The following NLGN4X variants were observed in gnomAD, a reference collection of about 807,000 sequenced individuals.
The protein encoded by NLGN4X is neuroligin-4, X-linked.
In NLGN4X, 3 loss-of-function variants were observed where a neutral mutation model predicts 40.3. The ratio of observed to expected loss-of-function variants is 0.07; its 90% confidence interval spans 0.03 to 0.19. NLGN4X has a LOEUF of 0.19. NLGN4X is among the 10% of genes least tolerant of loss of function. The pLI, the probability that NLGN4X is intolerant of heterozygous loss-of-function variation, is 1.00. For synonymous variants in NLGN4X, 270 were observed against 306.8 expected (o/e 0.88, Z 1.25); for missense variants, 382 against 708.3 (o/e 0.54, Z 5.23).
intron 1 of NLGN4X, among the ~76,000 whole-genome samples, chrX:6,172,926 A>G (rs2040639432): frequency 8.9e-6 from 1 of 112,534 alleles, no homozygotes; most frequent in South Asian, 3.7e-4. Flanking sequence ...CTTGGAAGGA[A>G]GAACAAGAAA....
At chrX:5,965,432 T>C (rs1004247176) in intron 3 of NLGN4X, among the ~76,000 whole-genome samples, 9 of 112,208 alleles carry the variant, frequency 8.0e-5, no homozygotes, top group African/African-American at 1.9e-4. Context: ...AGGCACTCTA[T>C]AGAATGTGCA....
intron 3 of NLGN4X, among the ~76,000 whole-genome samples, chrX:5,927,224 A>G (rs1331113644): frequency 8.9e-6 from 1 of 111,932 alleles, no homozygotes; most frequent in Admixed American, 9.5e-5. Flanking sequence ...CTGAAATGGG[A>G]TACAGAAAGA....
At chrX:6,115,150 G>A (rs995555298) in intron 2 of NLGN4X, among the ~76,000 whole-genome samples, 2 of 111,922 alleles carry the variant, frequency 1.8e-5, no homozygotes, top group Non-Finnish European at 3.8e-5. Flanking sequence ...GTAATTCCAG[G>A]AGGATGGATG....
rs4995611 is a variant in NLGN4X, at chrX:5,892,908, G to A, written c.2360C>T (p.Thr787Met). The change falls in exon 6 of 6, where the codon ACG becomes ATG. Residue 787 changes from threonine to methionine, a missense_variant. Physicochemically the swap from Thr to Met is moderately conservative, Grantham distance 81. Transcript: ENST00000381095. The part of the protein sequence containing the change: ...NTITMIPNTL[T>M]GMQPLHTFNT... The stretch of plus-strand genomic sequence containing the variant: ...AAAAGTGTGCAAAGGCTGCATCCCC[G>A]TCAGTGTGTTTGGAATCATGGTGAT... The A allele has an allele frequency of 2.4e-4, 292 of 1,209,295 alleles. No individual in the cohort carries two copies. Among genetic ancestry groups the A allele is most frequent in the Non-Finnish European group, 3.0e-4 (271 of 895,137 alleles).
At chrX:6,081,480 T>C (rs987586834) in intron 2 of NLGN4X, among the ~76,000 whole-genome samples, 1 of 112,129 alleles carries the variant, frequency 8.9e-6, no homozygotes, top group African/African-American at 3.2e-5. Flanking sequence ...ATGCTGAAGG[T>C]TCTGGCCTCA....
At chrX:6,180,314 A>C (rs1433942154) in intron 1 of NLGN4X, among the ~76,000 whole-genome samples, 1 of 111,281 alleles carries the variant, frequency 9.0e-6, no homozygotes, top group African/African-American at 3.3e-5. Flanking sequence ...AGTTCTCATG[A>C]ATGGTTTAGC....
chrX:6,025,569 A>G (rs2036667640), intron 3 of NLGN4X, among the ~76,000 whole-genome samples: 1 of 111,897 alleles, frequency 8.9e-6, no homozygotes, highest in South Asian at 3.7e-4. Flanking sequence ...CTGAGAGCCT[A>G]TGAAACTTCA....
At chrX:6,018,872 T>C (rs370464709) in intron 3 of NLGN4X, among the ~76,000 whole-genome samples, 188 of 112,427 alleles carry the variant, frequency 1.7e-3, no homozygotes, top group Non-Finnish European at 3.1e-3. Context: ...CCCTAGCTCA[T>C]TGAAGCAATG....
Position 6,151,182 on chromosome X carries a change from G to A in NLGN4X, c.285C>T (p.Ser95=), listed in dbSNP as rs2040157001. 1 of 1,211,868 alleles carries A rather than the reference G, an allele frequency of 8.3e-7. No homozygotes were observed. Among genetic ancestry groups the A allele is most frequent in the Non-Finnish European group, 1.1e-6 (1 of 895,496 alleles). Residue 95 remains serine, a synonymous_variant, in exon 2 of 6, where the codon TCC becomes TCT. Coordinates refer to ENST00000381095, the MANE Select transcript of NLGN4X (RefSeq NM_181332.3). ...ERRFQPPEPP[S]SWTGIRNTTQ... is the part of the protein sequence containing the mutation. Reference sequence around the variant, plus strand: ...TAGTATTTCGGATGCCAGTCCAGGAGGACGGGGGTTCTGGGGGCTGAAACC... The same window carrying A: ...TAGTATTTCGGATGCCAGTCCAGGAAGACGGGGGTTCTGGGGGCTGAAACC...
chrX:6,066,439 C>T (rs1555963941), intron 2 of NLGN4X, among the ~76,000 whole-genome samples: 1 of 112,059 alleles, frequency 8.9e-6, no homozygotes, highest in East Asian at 2.8e-4. Context: ...CTGGCTCCAC[C>T]GTTTTAACAT....
intron 2 of NLGN4X, among the ~76,000 whole-genome samples, chrX:6,044,093 C>T (rs148700334): frequency 0.017 from 781 of 45,218 alleles, 20 homozygotes; most frequent in Admixed American, 0.15. Flanking sequence ...ATAATGAGAA[C>T]CTGTTTCTAT....
At chrX:6,180,371 G>T in intron 1 of NLGN4X, among the ~76,000 whole-genome samples, 1 of 110,564 alleles carries the variant, frequency 9.0e-6, no homozygotes, top group Admixed American at 9.7e-5. Context: ...CATGAGATCT[G>T]GTTGTTTAAA....
intron 3 of NLGN4X, among the ~76,000 whole-genome samples, chrX:6,017,006 G>A (rs976680969): frequency 3.6e-5 from 4 of 111,608 alleles, no homozygotes; most frequent in African/African-American, 9.8e-5. Flanking sequence ...TTGGAATGAC[G>A]TCAATGTTCA....
chrX:6,053,917 T>G (rs1219218965), intron 2 of NLGN4X, among the ~76,000 whole-genome samples: 1 of 112,462 alleles, frequency 8.9e-6, no homozygotes, highest in Non-Finnish European at 1.9e-5. Context: ...CTTGAAATTC[T>G]GGTAGGTCCT....
intron 1 of NLGN4X, among the ~76,000 whole-genome samples, chrX:6,205,713 C>T (rs1412585557): frequency 8.9e-6 from 1 of 111,969 alleles, no homozygotes; most frequent in Non-Finnish European, 1.9e-5. Flanking sequence ...AGTGTACTCC[C>T]CACCACCAAG....
At chrX:5,994,506 C>A (rs1301585686) in intron 3 of NLGN4X, among the ~76,000 whole-genome samples, 1 of 111,806 alleles carries the variant, frequency 8.9e-6, no homozygotes, top group African/African-American at 3.3e-5. Context: ...TCCCTCAAAC[C>A]AGGGGCAAAA....
intron 2 of NLGN4X, among the ~76,000 whole-genome samples, chrX:6,097,782 C>G (rs912248532): frequency 9.0e-6 from 1 of 111,448 alleles, no homozygotes; most frequent in African/African-American, 3.3e-5. Flanking sequence ...CTGCATTCAA[C>G]TCAGACCAAT....
chrX:5,996,050 ACC>A (rs2035808333), intron 3 of NLGN4X, among the ~76,000 whole-genome samples: 1 of 61,631 alleles, frequency 1.6e-5, no homozygotes, highest in Non-Finnish European at 4.4e-5. Flanking sequence ...ATGAACAGAT[ACC>A]TAAAAGTATC....
intron 2 of NLGN4X, among the ~76,000 whole-genome samples, chrX:6,099,704 G>A (rs2038863795): frequency 1.8e-5 from 2 of 112,482 alleles, no homozygotes; most frequent in Admixed American, 1.9e-4. Context: ...TAACACAGAG[G>A]AGGCAAAGGA....
Sources: allele counts gnomAD v4.1 joint callset (sites outside exome capture counted in the v4.1 genomes callset), GRCh38; gene constraint gnomAD v4.1.1; transcripts MANE v1.5; gene names NCBI Gene and HGNC (gene_info 2026-07-23, HGNC 2026-07-21).